Variants in SLC24A4 observed in about 807,000 individuals in gnomAD.
The protein encoded by SLC24A4 is solute carrier family 24 member 4, also known as sodium/potassium/calcium exchanger 4.
Under a neutral mutation model 79.0 loss-of-function variants are expected in SLC24A4, and 53 were observed. That is an observed-to-expected ratio of 0.67 (90% CI 0.54 to 0.84). The LOEUF (loss-of-function observed/expected upper bound fraction) is 0.84, where lower values mean the gene tolerates loss of function less well. Among genes scored for constraint, SLC24A4 ranks in the 40% least tolerant of loss-of-function variants. The pLI is 0.00. For missense variants in SLC24A4, 731 were observed against 822.0 expected, an observed-to-expected ratio of 0.89 and a Z score of 1.35; for synonymous variants, 323 against 323.8, an observed-to-expected ratio of 1.00 and a Z score of 0.03.
intron 2 of SLC24A4, among the ~76,000 whole-genome samples, chr14:92,360,812 C>T (rs1435247891): frequency 6.6e-6 from 1 of 152,242 alleles, no homozygotes; most frequent in African/African-American, 2.4e-5. Context: ...GATCTGCTGT[C>T]TCCCTTTCTA....
At chr14:92,456,167 G>T (rs1175889325) in intron 11 of SLC24A4, among the ~76,000 whole-genome samples, 3 of 152,250 alleles carry the variant, frequency 2.0e-5, no homozygotes, top group African/African-American at 7.2e-5. Flanking sequence ...GCAGTAGGAA[G>T]GGGTGGCCCA....
intron 4 of SLC24A4, among the ~76,000 whole-genome samples, chr14:92,440,551 A>G (rs548697617): frequency 6.6e-6 from 1 of 152,160 alleles, no homozygotes; most frequent in East Asian, 1.9e-4. Flanking sequence ...GGCCATAGCA[A>G]TGGGGTTGAT....
chr14:92,337,162 C>T (rs1885859508), intron 2 of SLC24A4, among the ~76,000 whole-genome samples: 1 of 151,932 alleles, frequency 6.6e-6, no homozygotes, highest in Non-Finnish European at 1.5e-5. Flanking sequence ...TGTGCTGGCC[C>T]AGGGGGAAGT....
At chr14:92,349,618 G>A (rs1261452332) in intron 2 of SLC24A4, among the ~76,000 whole-genome samples, 2 of 152,182 alleles carry the variant, frequency 1.3e-5, no homozygotes, top group African/African-American at 4.8e-5. Flanking sequence ...AGAAACTATA[G>A]TGCAATATCA....
Position 92,490,073 on chromosome 14 carries a change from G to A in SLC24A4, c.1538-1592G>A, listed in dbSNP as rs766451299. Among the ~76,000 whole-genome samples the A allele has an allele frequency of 6.6e-6, 1 of 152,188 alleles. No homozygotes were observed. The highest frequency in any genetic ancestry group is 1.5e-5 in the Non-Finnish European group (1 of 68,046). The stretch of plus-strand genomic sequence containing the variant: ...CAACAGATGACAGCAACAAGCAGGG[G>A]AGGAGGAGGTGACCTAGCTATGCAA... On this transcript the variant is annotated intron_variant, in intron 14 of 16. Transcript: ENST00000532405. This position sits in a 1 kb window ranked among gnomAD's most constrained non-coding sequence, Gnocchi z 4.3.
intron 2 of SLC24A4, among the ~76,000 whole-genome samples, chr14:92,366,318 G>A (rs541537511): frequency 6.6e-6 from 1 of 152,192 alleles, no homozygotes; most frequent in Non-Finnish European, 1.5e-5. Flanking sequence ...AGATGGTCCT[G>A]AGGTGACGGG....
chr14:92,425,641 A>G (rs1196928598), intron 2 of SLC24A4, among the ~76,000 whole-genome samples: 1 of 152,188 alleles, frequency 6.6e-6, no homozygotes, highest in Non-Finnish European at 1.5e-5. Flanking sequence ...GATGCTGAAC[A>G]AAGCACTTGA....
At chr14:92,330,089 G>T (rs1402725905) in intron 2 of SLC24A4, among the ~76,000 whole-genome samples, 1 of 152,108 alleles carries the variant, frequency 6.6e-6, no homozygotes, top group Non-Finnish European at 1.5e-5. Flanking sequence ...GTGCTCGCTG[G>T]GCTGGAGACC....
chr14:92,402,832 C>T (rs1890182110), intron 2 of SLC24A4, among the ~76,000 whole-genome samples: 1 of 152,132 alleles, frequency 6.6e-6, no homozygotes, highest in Admixed American at 6.5e-5. Context: ...CCACTGGGTC[C>T]CTCCTACAAC....
chr14:92,463,712 T>G (rs1893943879), intron 12 of SLC24A4, among the ~76,000 whole-genome samples: 1 of 152,208 alleles, frequency 6.6e-6, no homozygotes, highest in African/African-American at 2.4e-5. Context: ...TCAGTGGCTT[T>G]TAATATAGTC....
rs376782860 is a variant in SLC24A4 at position 92,323,835 on chromosome 14, C to G, written c.5C>G (p.Ala2Gly). The G allele has an allele frequency of 4.1e-5, 64 of 1,574,266 alleles. No individual in the cohort carries two copies. Among genetic ancestry groups the G allele is most frequent in the Non-Finnish European group, 5.2e-5 (61 of 1,167,606 alleles). Residue 2 changes from alanine (A) to glycine (G), a missense_variant, in exon 1 of 17, where the codon GCG (alanine) becomes GGG (glycine). Physicochemically the swap from Ala to Gly is moderately conservative, Grantham distance 60 (BLOSUM62 0). Transcript: ENST00000532405. The surrounding 1 kb of genome is among the most constrained non-coding windows in gnomAD (Gnocchi z 4.9). Reference sequence around the variant, plus strand: ...ACGGCACCCAGGCGCTCCGGGATGGCGCTCCGCGGGACCCTCCGGCCGCTC... The same window carrying G: ...ACGGCACCCAGGCGCTCCGGGATGGGGCTCCGCGGGACCCTCCGGCCGCTC... M[A>G]LRGTLRPLKV...
rs184433670 is a variant in SLC24A4 at position 92,431,889 on chromosome 14, G to A, written c.242-2023G>A. Among the ~76,000 whole-genome samples, 128 of 152,330 alleles carry A rather than the reference G, an allele frequency of 8.4e-4. 1 individual carries two copies. The Middle Eastern group carries it at 0.01, about 12-fold the overall frequency. ...GGCGTGATTTCCACTTGGCCAGACC[G>A]TCTCAGTGTTAGAGGTGGGGCTTAA... On this transcript the variant is annotated intron_variant, in intron 2 of 16. Transcript: ENST00000532405.
chr14:92,346,328 C>T (rs1336330715), intron 2 of SLC24A4, among the ~76,000 whole-genome samples: 2 of 152,168 alleles, frequency 1.3e-5, no homozygotes, highest in East Asian at 3.9e-4. Flanking sequence ...CTCAGTTTTT[C>T]CGTCTGTAAA....
intron 2 of SLC24A4, among the ~76,000 whole-genome samples, chr14:92,410,004 A>G (rs1192896845): frequency 6.6e-6 from 1 of 152,216 alleles, no homozygotes; most frequent in Non-Finnish European, 1.5e-5. Context: ...GAACTCATGA[A>G]CACAAAGAAA....
chr14:92,366,600 A>G (rs1039360290), intron 2 of SLC24A4, among the ~76,000 whole-genome samples: 1 of 152,122 alleles, frequency 6.6e-6, no homozygotes, highest in Non-Finnish European at 1.5e-5. Context: ...CTGAAATAAT[A>G]CCCTTCGCTT....
At chr14:92,388,101 A>AT (rs36034776) in intron 2 of SLC24A4, among the ~76,000 whole-genome samples, 42,811 of 152,016 alleles carry the variant, frequency 0.28, 7,813 homozygotes, top group African/African-American at 0.53. Context: ...TCTGTATTTA[A>AT]TTTTTTGTGG....
intron 2 of SLC24A4, among the ~76,000 whole-genome samples, chr14:92,347,735 T>C (rs932381774): frequency 1.3e-5 from 2 of 152,148 alleles, no homozygotes; most frequent in Non-Finnish European, 2.9e-5. Flanking sequence ...AAGCCCAGCC[T>C]GGCCAAGATG....
At chr14:92,363,787 G>A (rs1205416040) in intron 2 of SLC24A4, among the ~76,000 whole-genome samples, 1 of 151,808 alleles carries the variant, frequency 6.6e-6, no homozygotes, top group Admixed American at 6.6e-5. Context: ...CTGAGATCGC[G>A]CCACTGTACT....
chr14:92,386,160 T>C (rs528649143), intron 2 of SLC24A4, among the ~76,000 whole-genome samples: 1 of 152,200 alleles, frequency 6.6e-6, no homozygotes, highest in Admixed American at 6.5e-5. Context: ...GTTTCGTTTT[T>C]TTCCCCTTTC....
Sources: gnomAD v4.1 joint callset for allele counts (sites outside exome capture counted in the v4.1 genomes callset) on GRCh38, gnomAD v4.1.1 for gene constraint, Gnocchi (gnomAD v3.1) non-coding constraint, MANE v1.5 for transcripts, NCBI Gene and HGNC (gene_info 2026-07-23, HGNC 2026-07-21) for gene names.